Variants in PPP1R9A observed in about 807,000 individuals in gnomAD.
PPP1R9A encodes protein phosphatase 1 regulatory subunit 9A.
A neutral mutation model predicts 141.9 loss-of-function variants in PPP1R9A; 59 were observed. The observed-to-expected ratio is 0.42, with a 90% CI of 0.34 to 0.52. The LOEUF is 0.52. Ranked by LOEUF, PPP1R9A falls within the 20% of genes least tolerant of loss-of-function variation. The pLI is 0.10. For missense variants in PPP1R9A, 1,444 were observed against 1,611.9 expected, an observed-to-expected ratio of 0.90 and a Z score of 1.78; for synonymous variants, 500 against 569.7, an observed-to-expected ratio of 0.88 and a Z score of 1.74.
chr7:95,063,006 A>C (rs1408865950), intron 2 of PPP1R9A, among the ~76,000 whole-genome samples: 1 of 152,170 alleles, frequency 6.6e-6, no homozygotes, highest in Non-Finnish European at 1.5e-5. Flanking sequence ...GTTGTGATGA[A>C]GCAGAGCTGA....
chr7:95,064,494 C>T (rs974747934), intron 2 of PPP1R9A, among the ~76,000 whole-genome samples: 3 of 152,142 alleles, frequency 2.0e-5, no homozygotes, highest in African/African-American at 7.2e-5. Flanking sequence ...CACAAACTTA[C>T]AAAAAGTATG....
intron 8 of PPP1R9A, among the ~76,000 whole-genome samples, chr7:95,240,306 T>C (rs2152985624): frequency 1.3e-5 from 2 of 152,200 alleles, no homozygotes; most frequent in South Asian, 4.1e-4. Context: ...TTTATTGAAG[T>C]AGGCCTTCTT....
At chr7:95,191,359 T>G (rs1042261854) in intron 5 of PPP1R9A, among the ~76,000 whole-genome samples, 2 of 152,208 alleles carry the variant, frequency 1.3e-5, no homozygotes, top group African/African-American at 4.8e-5. Flanking sequence ...ACATAATGAT[T>G]GCATATATTG....
At chr7:95,207,709 T>A (rs960634487) in intron 7 of PPP1R9A, among the ~76,000 whole-genome samples, 4 of 152,168 alleles carry the variant, frequency 2.6e-5, no homozygotes, top group African/African-American at 9.6e-5. Context: ...GATGAGATTG[T>A]CTATTTAAAA....
Position 94,910,615 on chromosome 7 carries a change from G to C in PPP1R9A, c.502G>C (p.Gly168Arg), listed in dbSNP as rs1197158024. The change falls in exon 2 of 20, where the codon GGG becomes CGG. Residue 168 changes from glycine (G) to arginine (R), a missense_variant. Physicochemically the swap from Gly to Arg is moderately radical, Grantham distance 125. Coordinates refer to ENST00000433360, the MANE Select transcript of PPP1R9A (RefSeq NM_001166160.2). The surrounding 1 kb of genome is among the most constrained non-coding windows in gnomAD (Gnocchi z 4.5). ...TTCCCCAAAGAAAGAGAAAGCTGGAGGGAGTGAACCTCAGGATGAATGGGG... is the reference window on the plus strand; with the variant it reads ...TTCCCCAAAGAAAGAGAAAGCTGGACGGAGTGAACCTCAGGATGAATGGGG... ...RYSPKKEKAGGSEPQDEWGGS... is the reference protein window; with the variant it reads ...RYSPKKEKAGRSEPQDEWGGS... 2.5e-6 allele frequency: 4 copies of C among 1,614,074 alleles called. No individual in the cohort carries two copies. Among genetic ancestry groups the C allele is most frequent in the Non-Finnish European group, 3.4e-6 (4 of 1,180,044 alleles).
chr7:95,047,347 A>G (rs1810169537), intron 2 of PPP1R9A, among the ~76,000 whole-genome samples: 1 of 152,218 alleles, frequency 6.6e-6, no homozygotes, highest in Non-Finnish European at 1.5e-5. Context: ...CTGTCAATAC[A>G]GTTTCAGTCT....
At position 95,226,049 on chromosome 7, in the gene PPP1R9A, C is replaced by G; in HGVS notation, c.2045C>G (p.Pro682Arg). 1 of 1,613,546 alleles carries G rather than the reference C, an allele frequency of 6.2e-7. No individual in the cohort carries two copies. Among genetic ancestry groups the G allele is most frequent in the South Asian group, 1.1e-5 (1 of 91,050 alleles). The change falls in exon 8 of 20, where the codon CCT becomes CGT. Residue 682 changes from proline (P) to arginine (R), a missense_variant. Transcript: ENST00000433360. Reference protein sequence around the residue: ...SDMAIEVFELPENEDMFSPSE... With the variant: ...SDMAIEVFELRENEDMFSPSE... ...ATGGCCATTGAAGTCTTTGAGCTGC[C>G]TGAGAATGAGGACATGTTTTCCCCA... is the stretch of plus-strand genomic sequence containing the variant.
chr7:95,175,355 A>G (rs1263312244), intron 5 of PPP1R9A, among the ~76,000 whole-genome samples: 2 of 152,030 alleles, frequency 1.3e-5, no homozygotes, highest in South Asian at 2.1e-4. Context: ...ATGCTATACC[A>G]CAATATAATT....
intron 2 of PPP1R9A, among the ~76,000 whole-genome samples, chr7:95,005,507 G>T (rs1009589073): frequency 6.6e-6 from 1 of 152,010 alleles, no homozygotes; most frequent in Non-Finnish European, 1.5e-5. Flanking sequence ...ATTCAGAATC[G>T]CACAGATTTA....
chr7:95,171,143 A>G (rs923524942), intron 5 of PPP1R9A, among the ~76,000 whole-genome samples: 6 of 151,542 alleles, frequency 4.0e-5, no homozygotes, highest in African/African-American at 1.2e-4. Context: ...TTATCCAAAA[A>G]ATGCAAAAAA....
At chr7:95,011,127 C>CCT (rs1667383570) in intron 2 of PPP1R9A, among the ~76,000 whole-genome samples, 1 of 152,092 alleles carries the variant, frequency 6.6e-6, no homozygotes, top group South Asian at 2.1e-4. Context: ...ATCCAAAATA[C>CCT]CTCATGCTCA....
chr7:95,135,695 G>T, intron 4 of PPP1R9A, among the ~76,000 whole-genome samples: 1 of 149,772 alleles, frequency 6.7e-6, no homozygotes, highest in African/African-American at 2.4e-5. Context: ...CTATTATTTA[G>T]TATTCCTCTT....
At chr7:94,982,002 G>A (rs1038265494) in intron 2 of PPP1R9A, among the ~76,000 whole-genome samples, 2 of 143,990 alleles carry the variant, frequency 1.4e-5, no homozygotes, top group African/African-American at 5.2e-5. Flanking sequence ...AGGCCTCAGT[G>A]TGTGATGTTC....
At chr7:95,228,506 G>A (rs1795458673) in intron 8 of PPP1R9A, among the ~76,000 whole-genome samples, 1 of 152,022 alleles carries the variant, frequency 6.6e-6, no homozygotes, top group African/African-American at 2.4e-5. Context: ...TAAAGAATTT[G>A]TGCCTTTACC....
chr7:94,948,579 A>G (rs1355412858), intron 2 of PPP1R9A, among the ~76,000 whole-genome samples: 2 of 152,154 alleles, frequency 1.3e-5, no homozygotes, highest in African/African-American at 4.8e-5. Context: ...AAGCTTATTT[A>G]ACTTATTATG....
intron 12 of PPP1R9A, among the ~76,000 whole-genome samples, chr7:95,268,097 A>T (rs1349079389): frequency 6.6e-6 from 1 of 152,130 alleles, no homozygotes; most frequent in Admixed American, 6.6e-5. Flanking sequence ...AAATTTTGCT[A>T]CAGTAAATTT....
intron 2 of PPP1R9A, among the ~76,000 whole-genome samples, chr7:94,944,458 C>A (rs577176464): frequency 1.3e-5 from 2 of 148,862 alleles, no homozygotes; most frequent in Admixed American, 6.7e-5. Flanking sequence ...CCCCCACCCC[C>A]CGATTAAAAA....
At chr7:95,211,690 G>A (rs1037417346) in intron 7 of PPP1R9A, among the ~76,000 whole-genome samples, 3 of 152,136 alleles carry the variant, frequency 2.0e-5, no homozygotes, top group Admixed American at 6.5e-5. Flanking sequence ...ACATATAAAA[G>A]TTTGGGATAG....
chr7:94,971,386 A>C (rs1798842934), intron 2 of PPP1R9A, among the ~76,000 whole-genome samples: 1 of 152,240 alleles, frequency 6.6e-6, no homozygotes, highest in Non-Finnish European at 1.5e-5. Context: ...GCTAAAGATG[A>C]CCAAGCAAGA....
Sources: allele counts gnomAD v4.1 joint callset (sites outside exome capture counted in the v4.1 genomes callset), GRCh38; gene constraint gnomAD v4.1.1; non-coding constraint Gnocchi (gnomAD v3.1); transcripts MANE v1.5; gene names NCBI Gene and HGNC (gene_info 2026-07-23, HGNC 2026-07-21).